PATJ: variants seen among roughly 807,000 people sequenced by gnomAD.
The protein encoded by PATJ is inaD-like protein.
A neutral mutation model predicts 224.9 loss-of-function variants in PATJ; 190 were observed. That is an observed-to-expected ratio of 0.84 (90% CI 0.75 to 0.95). PATJ has a LOEUF of 0.95. PATJ is among the 40% of genes least tolerant of loss of function. PATJ has a pLI of 0.00. For synonymous variants in PATJ, 769 were observed against 820.3 expected, an observed-to-expected ratio of 0.94 and a Z score of 1.07; for missense variants, 2,121 against 2,270.3, an observed-to-expected ratio of 0.93 and a Z score of 1.34.
intron 10 of PATJ, among the ~76,000 whole-genome samples, chr1:61,796,578 C>G (rs1651151840): frequency 6.6e-6 from 1 of 152,072 alleles, no homozygotes; most frequent in Non-Finnish European, 1.5e-5. Flanking sequence ...AATTTGCTTT[C>G]TAGTGTGTGA....
At chr1:62,149,128 C>CA (rs773276557) in intron 42 of PATJ, among the ~76,000 whole-genome samples, 2,013 of 60,158 alleles carry the variant, frequency 0.033, 41 homozygotes, top group East Asian at 0.14. Flanking sequence ...AACTCCATCT[C>CA]AAAAAAAAAA....
At chr1:61,963,993 A>G (rs10489968) in intron 27 of PATJ, among the ~76,000 whole-genome samples, 23,646 of 152,116 alleles carry the variant, frequency 0.16, 2,191 homozygotes, top group Middle Eastern at 0.23. Context: ...TAATATAATG[A>G]GTTCTAGAGG....
rs144318379 is a variant in PATJ at position 61,834,230 on chromosome 1, C to T, written c.2112+445C>T. On this transcript the variant is annotated intron_variant, in intron 17 of 43. Transcript: ENST00000642238. ...AAAAAAGAAATCCCATACACATTAG[C>T]ATTCGTTCCCAATTCATACTCTCCT... 6.6e-4 allele frequency among the ~76,000 whole-genome samples: 101 copies of T among 152,312 alleles called. 1 individual carries two copies. The East Asian group carries it at 0.013, about 19-fold the overall frequency.
At chr1:61,882,233 A>G (rs2149063969) in intron 21 of PATJ, among the ~76,000 whole-genome samples, 1 of 152,306 alleles carries the variant, frequency 6.6e-6, no homozygotes, top group Non-Finnish European at 1.5e-5. Context: ...GGCCTATTTT[A>G]TATGGAGTGG....
At chr1:61,761,473 G>T (rs1173850720) in intron 1 of PATJ, among the ~76,000 whole-genome samples, 2 of 152,058 alleles carry the variant, frequency 1.3e-5, no homozygotes, top group Admixed American at 6.6e-5. Context: ...ATGTAAACTT[G>T]TTTAATATAA....
At chr1:62,117,506 T>TAA (rs202208470) in intron 37 of PATJ, 366 of 639,590 alleles carry the variant, frequency 5.7e-4, no homozygotes, top group Non-Finnish European at 6.5e-4. Context: ...TGTGTTTATT[T>TAA]AAAAAAAAAA....
chr1:61,870,852 CA>C (rs1666226416), intron 20 of PATJ, among the ~76,000 whole-genome samples: 1 of 152,174 alleles, frequency 6.6e-6, no homozygotes, highest in South Asian at 2.1e-4. Flanking sequence ...TAGCAAAGCA[CA>C]AGGTTTCAAA....
At chr1:61,943,422 C>T (rs1185093308) in intron 27 of PATJ, among the ~76,000 whole-genome samples, 3 of 152,204 alleles carry the variant, frequency 2.0e-5, no homozygotes, top group Non-Finnish European at 4.4e-5. Flanking sequence ...ACAGCTTTAG[C>T]AAACGGCATA....
At chr1:62,007,569 G>T (rs553617899) in intron 28 of PATJ, among the ~76,000 whole-genome samples, 2 of 152,332 alleles carry the variant, frequency 1.3e-5, no homozygotes, top group South Asian at 4.1e-4. Context: ...AGGAGCCTAA[G>T]AAACCATATC....
rs555854616 is a variant in PATJ at position 62,119,664 on chromosome 1, G to A, written c.4891-1517G>A. ...GTACTTTTATAAACGTCTTGGGGCC[G>A]GGCGTGGTGGCTCACATCTGTAATC... On this transcript the variant is annotated intron_variant, in intron 37 of 43. Coordinates refer to ENST00000642238, the MANE Select transcript of PATJ (RefSeq NM_001350145.3). Among the ~76,000 whole-genome samples the A allele has an allele frequency of 5.3e-5, 8 of 152,282 alleles. No individual in the cohort carries two copies. In the East Asian group the frequency reaches 1.5e-3, roughly 29 times the overall value.
At chr1:62,001,245 T>C (rs1465593921) in intron 28 of PATJ, among the ~76,000 whole-genome samples, 2 of 151,834 alleles carry the variant, frequency 1.3e-5, no homozygotes, top group East Asian at 1.9e-4. Flanking sequence ...TTTGGTGTTT[T>C]AGACATGAAG....
chr1:61,850,963 A>G (rs1314619737), intron 17 of PATJ, among the ~76,000 whole-genome samples: 1 of 152,216 alleles, frequency 6.6e-6, no homozygotes, highest in Non-Finnish European at 1.5e-5. Context: ...CTTGCCGTCC[A>G]GTGGGAAGAC....
intron 20 of PATJ, among the ~76,000 whole-genome samples, chr1:61,870,245 G>C (rs1192740138): frequency 6.6e-6 from 1 of 152,138 alleles, no homozygotes. Context: ...ATGGGGAGGT[G>C]GGTAGGTAAT....
chr1:61,900,329 G>C (rs561965625), intron 23 of PATJ, among the ~76,000 whole-genome samples: 1 of 152,160 alleles, frequency 6.6e-6, no homozygotes, highest in African/African-American at 2.4e-5. Flanking sequence ...TTAATTATTG[G>C]CTGCAGTGCA....
intron 25 of PATJ, among the ~76,000 whole-genome samples, chr1:61,913,711 A>G (rs1673027652): frequency 6.6e-6 from 1 of 152,210 alleles, no homozygotes; most frequent in South Asian, 2.1e-4. Context: ...CATTAAGCTT[A>G]TTCAGTGGTG....
At chr1:61,780,910 C>T (rs942370723) in intron 7 of PATJ, among the ~76,000 whole-genome samples, 3 of 152,132 alleles carry the variant, frequency 2.0e-5, no homozygotes, top group African/African-American at 7.2e-5. Flanking sequence ...TATTTCAGAT[C>T]ATCAAAGAGG....
At chr1:61,811,828 G>A (rs1009861916) in intron 14 of PATJ, among the ~76,000 whole-genome samples, 2 of 151,174 alleles carry the variant, frequency 1.3e-5, no homozygotes, top group African/African-American at 2.4e-5. Flanking sequence ...TTGGGATGCC[G>A]AGGTGGGTGG....
intron 27 of PATJ, among the ~76,000 whole-genome samples, chr1:61,963,048 T>C (rs528983868): frequency 5.6e-4 from 86 of 152,252 alleles, no homozygotes; most frequent in Non-Finnish European, 1.1e-3. Flanking sequence ...CTTTTTCTTC[T>C]GTACAGACAT....
chr1:61,914,374 T>C (rs1673120835), intron 25 of PATJ, among the ~76,000 whole-genome samples: 1 of 152,148 alleles, frequency 6.6e-6, no homozygotes, highest in Admixed American at 6.5e-5. Flanking sequence ...GAGAAGCGCT[T>C]GAACCCAGGA....
Sources: gnomAD v4.1 joint callset for allele counts (sites outside exome capture counted in the v4.1 genomes callset) on GRCh38, gnomAD v4.1.1 for gene constraint, MANE v1.5 for transcripts, NCBI Gene and HGNC (gene_info 2026-07-23, HGNC 2026-07-21) for gene names.